The following GALNTL6 variants were observed in gnomAD, a reference collection of about 807,000 sequenced individuals.
GALNTL6 encodes the protein polypeptide N-acetylgalactosaminyltransferase like 6.
Under a neutral mutation model 73.7 loss-of-function variants are expected in GALNTL6, and 46 were observed. The ratio of observed to expected loss-of-function variants is 0.62; its 90% CI spans 0.49 to 0.80. GALNTL6 has a LOEUF of 0.80. Among genes scored for constraint, GALNTL6 ranks in the 30% least tolerant of loss-of-function variants. The pLI, the probability that GALNTL6 is intolerant of heterozygous loss-of-function variation, is 0.00. For synonymous variants in GALNTL6, 259 were observed against 263.7 expected, an observed-to-expected ratio of 0.98 and a Z score of 0.17; for missense variants, 604 against 755.0, an observed-to-expected ratio of 0.80 and a Z score of 2.34.
At chr4:172,455,624 C>T (rs1363712680) in intron 5 of GALNTL6, among the ~76,000 whole-genome samples, 5 of 152,244 alleles carry the variant, frequency 3.3e-5, no homozygotes, top group African/African-American at 7.2e-5. Flanking sequence ...CACCGCGTCT[C>T]GGCAAAACCA....
At chr4:171,840,783 A>T (rs999090271) in intron 2 of GALNTL6, among the ~76,000 whole-genome samples, 3 of 152,126 alleles carry the variant, frequency 2.0e-5, no homozygotes, top group African/African-American at 7.2e-5. Context: ...TCATGTTGCA[A>T]CATATGTCCT....
At chr4:171,939,233 G>A (rs989503655) in intron 2 of GALNTL6, among the ~76,000 whole-genome samples, 6 of 151,908 alleles carry the variant, frequency 3.9e-5, no homozygotes, top group Non-Finnish European at 5.9e-5. Flanking sequence ...GTGTTACATT[G>A]GCATTAACTA....
At chr4:172,630,834 G>T (rs1414260548) in intron 5 of GALNTL6, among the ~76,000 whole-genome samples, 1 of 149,504 alleles carries the variant, frequency 6.7e-6, no homozygotes, top group Non-Finnish European at 1.5e-5. Context: ...AGATAGCTTT[G>T]TGGAAAAGCA....
At chr4:172,566,045 A>G (rs1736544051) in intron 5 of GALNTL6, among the ~76,000 whole-genome samples, 1 of 152,184 alleles carries the variant, frequency 6.6e-6, no homozygotes, top group Admixed American at 6.5e-5. Flanking sequence ...ACTATATAAA[A>G]TAAATACTGA....
intron 5 of GALNTL6, among the ~76,000 whole-genome samples, chr4:172,529,254 T>G (rs894932194): frequency 4.0e-5 from 6 of 151,788 alleles, no homozygotes; most frequent in African/African-American, 1.5e-4. Context: ...ATTGAAAGAT[T>G]TTTTTTAAAA....
chr4:172,622,590 C>T (rs182760116), intron 5 of GALNTL6, among the ~76,000 whole-genome samples: 34 of 152,258 alleles, frequency 2.2e-4, no homozygotes, highest in African/African-American at 7.9e-4. Flanking sequence ...TCACCTTCCA[C>T]AGACACTTTT....
chr4:172,668,526 A>G (rs2111197952), intron 5 of GALNTL6: 1 of 152,266 alleles, frequency 6.6e-6, no homozygotes, highest in Non-Finnish European at 1.5e-5. Flanking sequence ...TCCTTTCATA[A>G]TTATTATAAG....
chr4:172,498,722 G>T (rs956154687), intron 5 of GALNTL6, among the ~76,000 whole-genome samples: 1 of 152,050 alleles, frequency 6.6e-6, no homozygotes, highest in Non-Finnish European at 1.5e-5. Flanking sequence ...GAACTATATC[G>T]ACTGAGCTGC....
chr4:172,584,265 A>G (rs527511279), intron 5 of GALNTL6, among the ~76,000 whole-genome samples: 1 of 152,324 alleles, frequency 6.6e-6, no homozygotes, highest in African/African-American at 2.4e-5. Context: ...CTAGCCAAGT[A>G]AAGAGGTGGA....
chr4:172,519,554 G>A (rs1278285372), intron 5 of GALNTL6, among the ~76,000 whole-genome samples: 1 of 150,526 alleles, frequency 6.6e-6, no homozygotes, highest in Non-Finnish European at 1.5e-5. Flanking sequence ...GGGAGGAGTA[G>A]GGCATAGTTG....
chr4:172,149,891 A>G (rs781518380), intron 2 of GALNTL6, among the ~76,000 whole-genome samples: 1 of 152,194 alleles, frequency 6.6e-6, no homozygotes, highest in Non-Finnish European at 1.5e-5. Context: ...TCCTTAACAT[A>G]CACATACTGT....
chr4:171,991,285 G>A lies in GALNTL6; in HGVS notation c.138+176567G>A, dbSNP rs1201571251. Reference sequence around the variant, plus strand: ...ATTAAGGTGAGGTATGAATAGGAAGGTGTTAAAGCAAGAATATAAATTTTC... The same window carrying A: ...ATTAAGGTGAGGTATGAATAGGAAGATGTTAAAGCAAGAATATAAATTTTC... On this transcript the variant is annotated intron_variant, in intron 2 of 12. Transcript: ENST00000506823. 2.0e-5 allele frequency among the ~76,000 whole-genome samples: 3 copies of A among 152,186 alleles called. No homozygotes were observed. In the East Asian group the frequency reaches 5.8e-4, roughly 29 times the overall value.
chr4:172,425,227 G>T (rs889399625), intron 5 of GALNTL6: 1 of 151,998 alleles, frequency 6.6e-6, no homozygotes, highest in African/African-American at 2.4e-5. Flanking sequence ...GATACGCTAT[G>T]GCACAAATCA....
At chr4:171,827,683 GTATCT>G (rs551721201) in intron 2 of GALNTL6, among the ~76,000 whole-genome samples, 28 of 151,964 alleles carry the variant, frequency 1.8e-4, no homozygotes, top group Admixed American at 1.1e-3. Context: ...CTCCTTCTCT[GTATCT>G]TATCTTATCT....
At chr4:172,520,120 T>G (rs1037493941) in intron 5 of GALNTL6, among the ~76,000 whole-genome samples, 1 of 151,978 alleles carries the variant, frequency 6.6e-6, no homozygotes. Flanking sequence ...TTGTCTCATT[T>G]AAACTGTACA....
intron 4 of GALNTL6, among the ~76,000 whole-genome samples, chr4:172,331,113 A>G (rs1440390424): frequency 1.3e-5 from 2 of 151,522 alleles, no homozygotes; most frequent in Admixed American, 1.3e-4. Flanking sequence ...ATTATCTATC[A>G]TTTCACTTAA....
chr4:172,966,785 A>G (rs1341162724), intron 10 of GALNTL6, among the ~76,000 whole-genome samples: 1 of 152,238 alleles, frequency 6.6e-6, no homozygotes, highest in Non-Finnish European at 1.5e-5. Context: ...TAAAGATGAG[A>G]GCCAATATTC....
intron 5 of GALNTL6, among the ~76,000 whole-genome samples, chr4:172,400,394 C>T (rs755533132): frequency 1.3e-5 from 2 of 151,952 alleles, no homozygotes; most frequent in African/African-American, 4.8e-5. Context: ...AACAGAAAAC[C>T]ATCAAAACTG....
At chr4:172,920,262 C>G (rs1747727365) in intron 8 of GALNTL6, among the ~76,000 whole-genome samples, 1 of 152,150 alleles carries the variant, frequency 6.6e-6, no homozygotes, top group African/African-American at 2.4e-5. Context: ...ATAAGCTGTT[C>G]TTTTTTTCTC....
Sources: gnomAD v4.1 joint callset for allele counts (sites outside exome capture counted in the v4.1 genomes callset) on GRCh38, gnomAD v4.1.1 for gene constraint, MANE v1.5 for transcripts, NCBI Gene and HGNC (gene_info 2026-07-23, HGNC 2026-07-21) for gene names.